The following BAZ1A variants were observed in gnomAD, a reference collection of about 807,000 sequenced individuals.
BAZ1A encodes the protein bromodomain adjacent to zinc finger domain 1A, also known as bromodomain adjacent to zinc finger domain protein 1A.
A neutral mutation model predicts 185.2 loss-of-function variants in BAZ1A; 50 were observed. The observed-to-expected ratio is 0.27, with a 90% CI of 0.22 to 0.34. The LOEUF (loss-of-function observed/expected upper bound fraction) is 0.34, where lower values mean the gene tolerates loss of function less well. Among genes scored for constraint, BAZ1A ranks in the 10% least tolerant of loss-of-function variants. The probability of loss-of-function intolerance (pLI) is 1.00; values close to 1 mark genes in which losing one functional copy is unlikely to be tolerated. For missense variants in BAZ1A, 1,356 were observed against 1,839.9 expected (o/e 0.74, Z 4.81); for synonymous variants, 571 against 615.6 (o/e 0.93, Z 1.07).
chr14:34,850,935 A>G (rs568644952), intron 3 of BAZ1A, among the ~76,000 whole-genome samples: 101 of 152,348 alleles, frequency 6.6e-4, no homozygotes, highest in African/African-American at 2.2e-3. Flanking sequence ...GGTGGAAATT[A>G]TGCAGAAAAA....
At chr14:34,757,732 C>CA (rs1886321581) in intron 25 of BAZ1A, among the ~76,000 whole-genome samples, 1 of 141,150 alleles carries the variant, frequency 7.1e-6, no homozygotes, top group Non-Finnish European at 1.6e-5. Flanking sequence ...CTGTCTAACT[C>CA]TATTGTTTTC....
At chr14:34,791,428 T>C (rs1373910981) in intron 12 of BAZ1A, among the ~76,000 whole-genome samples, 1 of 152,158 alleles carries the variant, frequency 6.6e-6, no homozygotes, top group African/African-American at 2.4e-5. Context: ...GAGGTGACAA[T>C]AGGGGTCATA....
At chr14:34,835,827 A>G (rs2042320903) in intron 3 of BAZ1A, among the ~76,000 whole-genome samples, 2 of 151,270 alleles carry the variant, frequency 1.3e-5, no homozygotes, top group African/African-American at 4.9e-5. Flanking sequence ...ATGCGCCACC[A>G]CGCCCAGCTA....
intron 4 of BAZ1A, among the ~76,000 whole-genome samples, chr14:34,822,471 G>T (rs117083727): frequency 0.02 from 3,000 of 151,938 alleles, 41 homozygotes; most frequent in South Asian, 0.039. Flanking sequence ...AAAAAATACA[G>T]AAAATTAGCT....
intron 2 of BAZ1A, among the ~76,000 whole-genome samples, chr14:34,865,067 C>T (rs1179593983): frequency 6.6e-6 from 1 of 152,072 alleles, no homozygotes; most frequent in African/African-American, 2.4e-5. Context: ...TGAGCCACCA[C>T]GCCCAGCCAA....
chr14:34,836,097 A>AACTGAGACACAT (rs1594888907), intron 3 of BAZ1A, among the ~76,000 whole-genome samples: 1 of 97,364 alleles, frequency 1.0e-5, no homozygotes, highest in East Asian at 2.7e-4. Context: ...AACTTTCTAT[A>AACTGAGACACAT]GGCCGGGCGC....
rs574833673 is a variant in BAZ1A at position 34,860,530 on chromosome 14, A to C, written c.392+1514T>G. 1.4e-3 allele frequency among the ~76,000 whole-genome samples: 206 copies of C among 149,466 alleles called. 3 individuals carry two copies. Among genetic ancestry groups the C allele is most frequent in the African/African-American group, 4.5e-3 (186 of 41,024 alleles). On this transcript the variant is annotated intron_variant, in intron 3 of 26. Transcript: ENST00000360310. ...CTATACCAAAAGTTAAAAAAAAAAAAAAAAAGCAAAAAAAAAAAACAAAAA... is the reference window on the plus strand; with the variant it reads ...CTATACCAAAAGTTAAAAAAAAAAACAAAAAGCAAAAAAAAAAAACAAAAA...
At chr14:34,855,964 GAAC>G (rs1159660748) in intron 3 of BAZ1A, among the ~76,000 whole-genome samples, 26 of 151,904 alleles carry the variant, frequency 1.7e-4, no homozygotes, top group African/African-American at 2.4e-5. Context: ...TTAAGAAAAA[GAAC>G]AAAAAATGGA....
chr14:34,811,560 C>T (rs1342812548), intron 4 of BAZ1A, among the ~76,000 whole-genome samples: 1 of 151,994 alleles, frequency 6.6e-6, no homozygotes, highest in Non-Finnish European at 1.5e-5. Context: ...TCCTGGCCCC[C>T]AGAGATCCTC....
Position 34,765,216 on chromosome 14 carries a change from C to T in BAZ1A, c.3354G>A (p.Glu1118=), listed in dbSNP as rs746483325. 3.6e-5 allele frequency: 58 copies of T among 1,613,960 alleles called. No homozygotes were observed. The highest frequency in any genetic ancestry group is 4.8e-5 in the Non-Finnish European group (57 of 1,179,976). ...ATAGACTAGCAGAAGAAAGGAGAGA[C>T]TCTCTCCAACGGTCCAGAACTGTTT... ...SYKTVLDRWR[E]SLLSSASLSQ... The change falls in exon 22 of 27, where the codon GAG becomes GAA. Residue 1118 remains glutamate, a synonymous_variant. Transcript: ENST00000360310.
chr14:34,827,559 C>A (rs2042181684), intron 3 of BAZ1A, among the ~76,000 whole-genome samples: 2 of 151,890 alleles, frequency 1.3e-5, no homozygotes, highest in African/African-American at 2.4e-5. Context: ...CCTGGTGAAA[C>A]CCCATCTCTA....
intron 25 of BAZ1A, among the ~76,000 whole-genome samples, chr14:34,756,330 T>G (rs541288157): frequency 1.1e-3 from 169 of 151,880 alleles, no homozygotes; most frequent in African/African-American, 3.9e-3. Flanking sequence ...TTAGCCAGGA[T>G]GGTCTCAATC....
intron 9 of BAZ1A, among the ~76,000 whole-genome samples, chr14:34,798,761 T>C (rs1290524354): frequency 6.6e-6 from 1 of 152,078 alleles, no homozygotes; most frequent in Non-Finnish European, 1.5e-5. Flanking sequence ...TGTGGAGAAA[T>C]AGGAATGCTT....
intron 25 of BAZ1A, 160 bp downstream of exon 25, chr14:34,758,544 C>T: frequency 1.5e-6 from 1 of 660,864 alleles, no homozygotes; most frequent in Non-Finnish European, 2.4e-6. Context: ...CGCGCCACTG[C>T]ACTCCAGCCT....
In BAZ1A at chr14:34,855,989, C is replaced by T. The variant is rs967924542; in HGVS notation, c.392+6055G>A. On this transcript the variant is annotated intron_variant, in intron 3 of 26. Coordinates refer to ENST00000360310, the MANE Select transcript of BAZ1A (RefSeq NM_013448.3). ...GAACAAAAAATGGAACAGAAACATA[C>T]TTGTAGCAGTATAACAAAGAGCTTA... is the stretch of plus-strand genomic sequence containing the variant. Among the ~76,000 whole-genome samples the T allele has an allele frequency of 9.2e-5, 14 of 152,270 alleles. No homozygotes were observed. The East Asian group carries it at 2.7e-3, about 29-fold the overall frequency.
rs141290050 is a variant in BAZ1A at position 34,803,044 on chromosome 14, G to C, written c.727-56C>G. The C allele has an allele frequency of 1.6e-4, 248 of 1,510,048 alleles. No homozygotes were observed. In the African/African-American group the frequency reaches 2.9e-3, roughly 18 times the overall value. The allele number at this position is 1,510,048 out of a possible 1,614,324, so 93.5% of individuals were successfully genotyped here. A position where few individuals can be genotyped will look rare whatever the true frequency, so the allele number is the denominator to read the frequency against. Reference sequence around the variant, plus strand: ...ATAACACATTAGTAAACAACATACAGATATGCCCTAACATGTCATATGGCC... The same window carrying C: ...ATAACACATTAGTAAACAACATACACATATGCCCTAACATGTCATATGGCC... On this transcript the variant is annotated intron_variant, in intron 6 of 26. Coordinates refer to ENST00000360310, the MANE Select transcript of BAZ1A (RefSeq NM_013448.3).
Position 34,765,194 on chromosome 14 carries a change from G to A in BAZ1A, c.3376C>T (p.Leu1126=), listed in dbSNP as rs1433495247. The A allele has an allele frequency of 6.2e-7, 1 of 1,614,106 alleles. No individual in the cohort carries two copies. The highest frequency in any genetic ancestry group is 1.3e-5 in the African/African-American group (1 of 75,032). Residue 1126 remains leucine, a synonymous_variant, in exon 22 of 27, where the codon CTA becomes TTA. Transcript: ENST00000360310. Reference sequence around the variant, plus strand: ...GATAGGTGAAGAAAAACTTGGGATAGACTAGCAGAAGAAAGGAGAGACTCT... The same window carrying A: ...GATAGGTGAAGAAAAACTTGGGATAAACTAGCAGAAGAAAGGAGAGACTCT... ...WRESLLSSAS[L]SQVFLHLSTL...
chr14:34,868,716 G>A (rs901168275), intron 2 of BAZ1A, among the ~76,000 whole-genome samples: 7 of 151,856 alleles, frequency 4.6e-5, no homozygotes, highest in African/African-American at 9.7e-5. Flanking sequence ...TGGGAGAATC[G>A]CTTGAACCAG....
chr14:34,797,575 A>T (rs144777211), intron 9 of BAZ1A, among the ~76,000 whole-genome samples: 2 of 152,202 alleles, frequency 1.3e-5, no homozygotes, highest in African/African-American at 4.8e-5. Context: ...AAAAGTGTTA[A>T]TTCTATCTCT....
Sources: gnomAD v4.1 joint callset for allele counts (sites outside exome capture counted in the v4.1 genomes callset) on GRCh38, gnomAD v4.1.1 for gene constraint, MANE v1.5 for transcripts, NCBI Gene and HGNC (gene_info 2026-07-23, HGNC 2026-07-21) for gene names.